ZNF827: variants seen among roughly 807,000 people sequenced by gnomAD.
The protein encoded by ZNF827 is zinc finger protein 827.
ZNF827 carries 13 observed loss-of-function variants against 102.4 expected under a neutral mutation model. That is an observed-to-expected ratio of 0.13 (90% CI 0.08 to 0.20). The LOEUF (loss-of-function observed/expected upper bound fraction) is 0.20. Among genes scored for constraint, ZNF827 ranks in the 10% least tolerant of loss-of-function variants. The pLI is 1.00. For synonymous variants in ZNF827, 523 were observed against 536.2 expected, an observed-to-expected ratio of 0.98 and a Z score of 0.34; for missense variants, 1,103 against 1,344.4, an observed-to-expected ratio of 0.82 and a Z score of 2.81.
At chr4:145,843,787 T>TTA (rs1224953032) in intron 7 of ZNF827, among the ~76,000 whole-genome samples, 1 of 152,056 alleles carries the variant, frequency 6.6e-6, no homozygotes, top group East Asian at 1.9e-4. Context: ...ACATGGGAGG[T>TTA]TATACATCCC....
At chr4:145,886,290 C>G in intron 3 of ZNF827, 132 bp from the exon 4 acceptor site, 1 of 1,382,992 alleles carries the variant, frequency 7.2e-7, no homozygotes, top group East Asian at 2.6e-5. Context: ...GAGCATTTCA[C>G]TATGGGGCTC....
chr4:145,826,261 GT>G (rs1743669190), intron 7 of ZNF827, among the ~76,000 whole-genome samples: 2 of 152,208 alleles, frequency 1.3e-5, no homozygotes, highest in Admixed American at 1.3e-4. Context: ...TGAAAAAGAG[GT>G]TTAACAACGC....
At chr4:145,878,660 GGA>G (rs1749388531) in intron 4 of ZNF827, among the ~76,000 whole-genome samples, 1 of 148,306 alleles carries the variant, frequency 6.7e-6, no homozygotes, top group Admixed American at 6.7e-5. Context: ...GAAAGGAAAG[GGA>G]GAGAGAGAAA....
At chr4:145,776,331 C>T (rs1379769737) in intron 9 of ZNF827, among the ~76,000 whole-genome samples, 1 of 151,832 alleles carries the variant, frequency 6.6e-6, no homozygotes, top group Admixed American at 6.6e-5. Flanking sequence ...TGTGGTGGCA[C>T]GTGCCTGTAG....
intron 1 of ZNF827, among the ~76,000 whole-genome samples, chr4:145,918,127 T>C (rs1752800431): frequency 6.6e-6 from 1 of 152,144 alleles, no homozygotes; most frequent in South Asian, 2.1e-4. Context: ...TCTAATAAAT[T>C]TGCTCAACTA....
Position 145,929,042 on chromosome 4 carries a change from C to T in ZNF827, c.43+9323G>A, listed in dbSNP as rs1239873561. ...AATTTGGATTTTTATATGAAACCTC[C>T]GATTTCCAAAATGTTGTCTCAAGTT... On this transcript the variant is annotated intron_variant, in intron 1 of 14. Transcript: ENST00000508784. 3.3e-5 allele frequency among the ~76,000 whole-genome samples: 5 copies of T among 152,256 alleles called. No homozygotes were observed. The Middle Eastern group carries it at 0.01, about 311-fold the overall frequency.
At chr4:145,838,541 T>C (rs1050407411) in intron 7 of ZNF827, among the ~76,000 whole-genome samples, 1 of 152,010 alleles carries the variant, frequency 6.6e-6, no homozygotes, top group African/African-American at 2.4e-5. Flanking sequence ...ATTAACAATT[T>C]TTTGGGGGGG....
chr4:145,869,514 CT>C (rs1456740746), intron 5 of ZNF827, among the ~76,000 whole-genome samples: 1 of 151,988 alleles, frequency 6.6e-6, no homozygotes, highest in African/African-American at 2.4e-5. Flanking sequence ...TTGATATAAC[CT>C]TTTTTTTCCA....
At chr4:145,827,078 T>C (rs1230572126) in intron 7 of ZNF827, among the ~76,000 whole-genome samples, 1 of 152,190 alleles carries the variant, frequency 6.6e-6, no homozygotes, top group Non-Finnish European at 1.5e-5. Flanking sequence ...ATATTCCCTG[T>C]GTGGATAAGG....
chr4:145,814,053 A>G lies in ZNF827; in HGVS notation c.2383+9369T>C, dbSNP rs1159204429. On this transcript the variant is annotated intron_variant, in intron 8 of 14. Transcript: ENST00000508784. ...CAGGTTGAGCCTCCCAAATCCGGAA[A>G]CCCCAAATCCGAAATGCTCAGAATT... 1.3e-5 allele frequency among the ~76,000 whole-genome samples: 2 copies of G among 152,104 alleles called. 1 individual carries two copies. Among genetic ancestry groups the G allele is most frequent in the Non-Finnish European group, 2.9e-5 (2 of 68,012 alleles).
intron 1 of ZNF827, among the ~76,000 whole-genome samples, chr4:145,919,281 T>C (rs536834086): frequency 1.3e-5 from 2 of 152,226 alleles, no homozygotes; most frequent in South Asian, 4.2e-4. Context: ...AAATCCTATA[T>C]TGAGTATTTA....
chr4:145,914,815 C>T (rs552214978), intron 1 of ZNF827, among the ~76,000 whole-genome samples: 1 of 152,222 alleles, frequency 6.6e-6, no homozygotes, highest in African/African-American at 2.4e-5. Context: ...TCAGGCATGC[C>T]CTTGGGGTTT....
At chr4:145,931,565 C>G (rs931991570) in intron 1 of ZNF827, among the ~76,000 whole-genome samples, 3 of 152,168 alleles carry the variant, frequency 2.0e-5, no homozygotes, top group African/African-American at 7.2e-5. Flanking sequence ...CCCTAAAGCC[C>G]TATTCTGTAG....
chr4:145,879,452 A>G (rs1393508944), intron 4 of ZNF827, among the ~76,000 whole-genome samples: 2 of 152,208 alleles, frequency 1.3e-5, no homozygotes, highest in Non-Finnish European at 2.9e-5. Flanking sequence ...CTTTGTTTTT[A>G]CAGATACAAT....
At chr4:145,930,445 C>T (rs1753718179) in intron 1 of ZNF827, among the ~76,000 whole-genome samples, 1 of 152,142 alleles carries the variant, frequency 6.6e-6, no homozygotes, top group African/African-American at 2.4e-5. Context: ...GTAGAAATGA[C>T]CAAAGAGAAA....
At position 145,886,055 on chromosome 4, in the gene ZNF827, T is replaced by G; in HGVS notation, c.1370A>C (p.His457Pro). 1 of 1,614,158 alleles carries G rather than the reference T, an allele frequency of 6.2e-7. No individual in the cohort carries two copies. Among genetic ancestry groups the G allele is most frequent in the Non-Finnish European group, 8.5e-7 (1 of 1,180,020 alleles). The change falls in exon 4 of 15, where the codon CAC becomes CCC. Residue 457 changes from histidine (H) to proline (P), a missense_variant. This residue lies in a region of ZNF827 where 157 missense variants were observed against 211.7 expected (regional missense o/e 0.74). Transcript: ENST00000508784. ...CACCTTGGCTTCTGTCCTCAGGAAG[T>G]GCTGATGGCAACGCATGTGGAGTTT... ...SLKLHMRCHQHFLRTEAKVKE... is the reference protein window; with the variant it reads ...SLKLHMRCHQPFLRTEAKVKE...
intron 8 of ZNF827, among the ~76,000 whole-genome samples, chr4:145,781,694 C>T (rs1013150528): frequency 2.6e-5 from 4 of 152,180 alleles, no homozygotes; most frequent in Non-Finnish European, 5.9e-5. Flanking sequence ...TCTTAAACAG[C>T]TGTCCTTGAG....
At chr4:145,807,629 G>A (rs1168015374) in intron 8 of ZNF827, among the ~76,000 whole-genome samples, 4 of 151,570 alleles carry the variant, frequency 2.6e-5, no homozygotes, top group Non-Finnish European at 5.9e-5. Context: ...CCACCACCAC[G>A]CCCAGCTAAT....
intron 4 of ZNF827, among the ~76,000 whole-genome samples, chr4:145,881,814 C>T (rs912268725): frequency 2.6e-5 from 4 of 152,202 alleles, no homozygotes; most frequent in South Asian, 2.1e-4. Context: ...TTCATGGTCT[C>T]GGCTGGAGAC....
Sources: allele counts gnomAD v4.1 joint callset (sites outside exome capture counted in the v4.1 genomes callset), GRCh38; gene constraint gnomAD v4.1.1; regional missense constraint gnomAD v4.1.1; transcripts MANE v1.5; gene names NCBI Gene and HGNC (gene_info 2026-07-23, HGNC 2026-07-21).